GINS2: variants seen among roughly 807,000 people sequenced by gnomAD.
GINS2 encodes the protein GINS complex subunit 2, also known as DNA replication complex GINS protein PSF2.
A neutral mutation model predicts 21.2 loss-of-function variants in GINS2; 23 were observed. The ratio of observed to expected loss-of-function variants is 1.08; its 90% CI spans 0.78 to 1.53. The LOEUF is 1.53. Among genes scored for constraint, GINS2 ranks in the 40% most tolerant of loss-of-function variants. The probability of loss-of-function intolerance (pLI) is 0.00; values close to 1 mark genes in which losing one functional copy is unlikely to be tolerated. For missense variants in GINS2, 323 were observed against 233.9 expected, an observed-to-expected ratio of 1.38 and a Z score of -2.49; for synonymous variants, 118 against 85.6, an observed-to-expected ratio of 1.38 and a Z score of -2.09.
rs561823301 is a variant in GINS2, at chr16:85,686,165, A to T, written c.205+1295T>A. Reference sequence around the variant, plus strand: ...AATATATCATACAATTCAGCCATTTAAAGTATACAAGTTTTGAGGTGGGTG... The same window carrying T: ...AATATATCATACAATTCAGCCATTTTAAGTATACAAGTTTTGAGGTGGGTG... On this transcript the variant is annotated intron_variant, in intron 2 of 4. Transcript: ENST00000253462. Among the ~76,000 whole-genome samples the T allele has an allele frequency of 2.2e-3, 331 of 152,362 alleles. 2 individuals are homozygous for T. Among genetic ancestry groups the T allele is most frequent in the African/African-American group, 7.7e-3 (322 of 41,586 alleles).
At chr16:85,687,801 C>T in intron 1 of GINS2, 1 of 413,568 alleles carries the variant, frequency 2.4e-6, no homozygotes, top group Non-Finnish European at 4.3e-6. Context: ...GGACAGGATG[C>T]AAGTCTCCCC....
rs2053787930 is a variant in GINS2 at position 85,687,530 on chromosome 16, G to T, written c.135C>A (p.Pro45=). The T allele has an allele frequency of 6.3e-7, 1 of 1,596,816 alleles. No homozygotes were observed. The highest frequency in any genetic ancestry group is 1.1e-5 in the South Asian group (1 of 88,374). Residue 45 remains proline, a synonymous_variant, in exon 2 of 5, where the codon CCC becomes CCA. Transcript: ENST00000253462. ...PFNPGLPVEV[P]LWLAINLKQR... ...GTTTCAGGTTAATCGCCAGCCACAG[G>T]GGCACTTCCACGGGTAAACCAGGGT...
intron 3 of GINS2, 80 bp downstream of exon 3, chr16:85,681,502 G>A: frequency 1.2e-6 from 1 of 826,088 alleles, no homozygotes; most frequent in South Asian, 1.5e-5. Flanking sequence ...CAGGGAAGCG[G>A]AGAGGAAGGA....
In GINS2 at chr16:85,676,604, G is replaced by A. The variant is rs1567788806; in HGVS notation, c.*1608C>T. ...CTAGACACTGGAGGGCAGATGCTGG[G>A]TGATAAGTCTTTAGGCTCAGCCTGT... is the stretch of plus-strand genomic sequence containing the variant. On this transcript the variant is annotated 3_prime_UTR_variant, in exon 5 of 5. Coordinates refer to ENST00000253462, the MANE Select transcript of GINS2 (RefSeq NM_016095.3). 1 of 152,404 alleles carries A rather than the reference G, an allele frequency of 6.6e-6. No homozygotes were observed. Among genetic ancestry groups the A allele is most frequent in the Non-Finnish European group, 1.5e-5 (1 of 68,070 alleles). The allele number at this position is 152,404 out of a possible 1,614,324, so 9.4% of individuals were successfully genotyped here. A position where few individuals can be genotyped will look rare whatever the true frequency, so the allele number is the denominator to read the frequency against.
At chr16:85,681,529 G>T in intron 3 of GINS2, 53 bp downstream of exon 3, 1 of 1,038,820 alleles carries the variant, frequency 9.6e-7, no homozygotes, top group Non-Finnish European at 1.5e-6. Context: ...TTAGGGGAAG[G>T]GCATGGCGAG....
At position 85,687,456 on chromosome 16, in the gene GINS2, TTACC is replaced by T; in HGVS notation, c.205_205+3del. 6.6e-7 allele frequency: 1 copy of T among 1,505,504 alleles called. No individual in the cohort carries two copies. Among genetic ancestry groups the T allele is most frequent in the Non-Finnish European group, 8.9e-7 (1 of 1,119,992 alleles). 93.3% of individuals were successfully genotyped at this position (1,505,504 alleles called of 1,614,324 possible). ...GCATCAACCAGTCTCCACCACATCC[TTACC>T]TACATCCATCCACTCTGGAGGGAGC... On this transcript the variant is annotated splice_donor_variant and splice_donor_region_variant and coding_sequence_variant and intron_variant, in exon 2 of 5. Transcript: ENST00000253462. LOFTEE classifies it high-confidence loss of function.
intron 2 of GINS2, among the ~76,000 whole-genome samples, chr16:85,682,436 A>G (rs956562139): frequency 6.6e-6 from 1 of 151,988 alleles, no homozygotes; most frequent in African/African-American, 2.4e-5. Context: ...TGGGCGCGAT[A>G]CAATATCCTA....
Position 85,678,305 on chromosome 16 carries a change from GGT to G in GINS2, c.463_464del (p.Thr155GlnfsTer44). ...GCGCTTGTGTGAGGAAAGTCCCGCT[GGT>G]GTTGATCTCCATCAAGGTCAAGTTA... ...LDNLTLMEINTSGTFLTQALN... is the reference protein window; with the variant it reads ...LDNLTLMEINXSGTFLTQALN... On this transcript the variant is annotated frameshift_variant, in exon 5 of 5. Transcript: ENST00000253462. LOFTEE classifies it high-confidence loss of function. The G allele has an allele frequency of 6.2e-7, 1 of 1,613,318 alleles. No individual in the cohort carries two copies. The highest frequency in any genetic ancestry group is 1.7e-5 in the Admixed American group (1 of 60,020).
intron 2 of GINS2, among the ~76,000 whole-genome samples, chr16:85,686,026 A>T (rs955211118): frequency 6.6e-6 from 1 of 150,824 alleles, no homozygotes; most frequent in Non-Finnish European, 1.5e-5. Flanking sequence ...TTTTCCCTAT[A>T]ATAAGCTACT....
chr16:85,682,450 G>T (rs1185191168), intron 2 of GINS2, among the ~76,000 whole-genome samples: 1 of 151,600 alleles, frequency 6.6e-6, no homozygotes, highest in African/African-American at 2.4e-5. Flanking sequence ...TATCCTAGGG[G>T]GGTTAAGCCA....
Position 85,687,662 on chromosome 16 carries a change from G to A in GINS2, c.91-88C>T, listed in dbSNP as rs1223244844. ...TTACTGCTATCAAATAAGAGGCAAGGCATTGCAGAGGCTGAAGTCCAAATG... is the reference window on the plus strand; with the variant it reads ...TTACTGCTATCAAATAAGAGGCAAGACATTGCAGAGGCTGAAGTCCAAATG... On this transcript the variant is annotated intron_variant, in intron 1 of 4. Coordinates refer to ENST00000253462, the MANE Select transcript of GINS2 (RefSeq NM_016095.3). 12 of 696,878 alleles carry A rather than the reference G, an allele frequency of 1.7e-5. No individual in the cohort carries two copies. The African/African-American group carries it at 2.0e-4, about 12-fold the overall frequency. The allele number at this position is 696,878 out of a possible 1,614,324, so 43.2% of individuals were successfully genotyped here.
chr16:85,680,807 G>A (rs2053725671), intron 3 of GINS2, among the ~76,000 whole-genome samples: 1 of 152,234 alleles, frequency 6.6e-6, no homozygotes, highest in South Asian at 2.1e-4. Context: ...AGAAGTGACA[G>A]GGGCCAGTGT....
intron 1 of GINS2, 44 bp from the exon 2 acceptor site, chr16:85,687,618 A>C: frequency 8.3e-7 from 1 of 1,202,376 alleles, no homozygotes; most frequent in Non-Finnish European, 1.2e-6. Context: ...AAAAAGAACA[A>C]AAAAAGCATT....
intron 3 of GINS2, among the ~76,000 whole-genome samples, chr16:85,679,066 A>C (rs551608835): frequency 3.0e-4 from 45 of 152,258 alleles, no homozygotes; most frequent in South Asian, 1.4e-3. Context: ...CAGAGTGTTG[A>C]GCAGATCTCC....
Position 85,688,855 on chromosome 16 carries a change from A to C in GINS2, c.44T>G (p.Val15Gly). 1 of 1,545,192 alleles carries C rather than the reference A, an allele frequency of 6.5e-7. No individual in the cohort carries two copies. The highest frequency in any genetic ancestry group is 8.7e-7 in the Non-Finnish European group (1 of 1,143,980). The change falls in exon 1 of 5, where the codon GTT becomes GGT. Residue 15 changes from valine to glycine, a missense_variant. Transcript: ENST00000253462. ...EVEFLAEKEL[V>G]TIIPNFSLDK... The stretch of plus-strand genomic sequence containing the variant: ...CAGACTGAAGTTGGGGATAATGGTA[A>C]CCAGCTCCTTCTCGGCGAGGAATTC...
intron 3 of GINS2, among the ~76,000 whole-genome samples, 196 bp downstream of exon 3, chr16:85,681,386 C>G (rs558387873): frequency 3.3e-5 from 5 of 152,338 alleles, no homozygotes; most frequent in South Asian, 2.1e-4. Context: ...GAAAGACACA[C>G]AGAGACAGAC....
chr16:85,678,513 C>G (rs1252238248), intron 4 of GINS2, 27 bp downstream of exon 4: 1 of 1,608,858 alleles, frequency 6.2e-7, no homozygotes, highest in Non-Finnish European at 8.5e-7. Context: ...ATCAAGGCCA[C>G]CAGCACCCAG....
In GINS2 at chr16:85,677,435, C is replaced by G. The variant is rs1041036154; in HGVS notation, c.*777G>C. The G allele has an allele frequency of 2.0e-5, 3 of 148,556 alleles. No homozygotes were observed. Among genetic ancestry groups the G allele is most frequent in the Non-Finnish European group, 4.4e-5 (3 of 67,964 alleles). 9.2% of individuals were successfully genotyped at this position (148,556 alleles called of 1,614,324 possible). A position where few individuals can be genotyped will look rare whatever the true frequency, so the allele number is the denominator to read the frequency against. ...TTCTTCTAGCATTGTCACTCATGCT[C>G]AATACATTGTCACTCATGCTCAATA... is the stretch of plus-strand genomic sequence containing the variant. On this transcript the variant is annotated 3_prime_UTR_variant, in exon 5 of 5. Coordinates refer to ENST00000253462, the MANE Select transcript of GINS2 (RefSeq NM_016095.3).
chr16:85,681,432 C>T (rs1331355962), intron 3 of GINS2, 150 bp downstream of exon 3: 2 of 605,140 alleles, frequency 3.3e-6, no homozygotes, highest in South Asian at 2.1e-5. Context: ...CACAGATGAC[C>T]TCATGGTCAC....
Sources: gnomAD v4.1 joint callset for allele counts (sites outside exome capture counted in the v4.1 genomes callset) on GRCh38, gnomAD v4.1.1 for gene constraint, MANE v1.5 for transcripts, NCBI Gene and HGNC (gene_info 2026-07-23, HGNC 2026-07-21) for gene names.